The following MMP26 variants were observed in gnomAD, a reference collection of about 807,000 sequenced individuals.
The protein encoded by MMP26 is matrix metallopeptidase 26.
MMP26 carries 33 observed loss-of-function variants against 31.0 expected under a neutral mutation model. The observed-to-expected ratio is 1.06, with a 90% CI of 0.81 to 1.42. The LOEUF is 1.42. Ranked by LOEUF, MMP26 falls within the 40% of genes most tolerant of loss-of-function variation. The pLI is 0.00. For synonymous variants in MMP26, 122 were observed against 114.9 expected (o/e 1.06, Z -0.40); for missense variants, 347 against 316.1 (o/e 1.10, Z -0.74).
At chr11:4,786,216 A>G (rs2133438037) in intron 2 of MMP26, among the ~76,000 whole-genome samples, 1 of 152,242 alleles carries the variant, frequency 6.6e-6, no homozygotes, top group South Asian at 2.1e-4. Context: ...CTCAGGCAAA[A>G]GGAAAGCAGA....
In MMP26 at chr11:4,954,794, T is replaced by A. The variant is rs181896076; in HGVS notation, c.-144-33274T>A. On this transcript the variant is annotated intron_variant, in intron 2 of 7. Transcript: ENST00000380390. ...CTGTTAAATCTTCCATTGACACAAT[T>A]TTGCTACAACTCTCACTCTAATCTG... 46 of 1,056,790 alleles carry A rather than the reference T, an allele frequency of 4.4e-5. 12 individuals are homozygous for A. In the Middle Eastern group the frequency reaches 7.8e-4, roughly 18 times the overall value. 65.5% of individuals were successfully genotyped at this position (1,056,790 alleles called of 1,614,324 possible). A position where few individuals can be genotyped will look rare whatever the true frequency, so the allele number is the denominator to read the frequency against.
chr11:4,853,435 A>C (rs1850003086), intron 2 of MMP26, among the ~76,000 whole-genome samples: 1 of 152,234 alleles, frequency 6.6e-6, no homozygotes, highest in South Asian at 2.1e-4. Context: ...TACAGGTGAC[A>C]TAATTAAAGA....
chr11:4,715,914 C>G (rs1372317808), intron 1 of MMP26, among the ~76,000 whole-genome samples: 1 of 152,204 alleles, frequency 6.6e-6, no homozygotes, highest in East Asian at 1.9e-4. Flanking sequence ...GATTACTTGA[C>G]TTTGAGTTAA....
intron 1 of MMP26, among the ~76,000 whole-genome samples, chr11:4,738,693 G>A (rs543032741): frequency 6.6e-6 from 1 of 152,062 alleles, no homozygotes; most frequent in Non-Finnish European, 1.5e-5. Flanking sequence ...TTTTGTCCTG[G>A]GAATAAGTTA....
At chr11:4,908,699 G>C (rs2133567595) in intron 2 of MMP26, 1 of 263,252 alleles carries the variant, frequency 3.8e-6, no homozygotes. Flanking sequence ...TAGCTATGAA[G>C]GATGCTGATC....
chr11:4,740,091 C>T (rs142525495), intron 1 of MMP26, among the ~76,000 whole-genome samples: 8 of 150,730 alleles, frequency 5.3e-5, no homozygotes, highest in Non-Finnish European at 1.0e-4. Context: ...GCATATTTGA[C>T]GGAAGAGTAT....
intron 2 of MMP26, among the ~76,000 whole-genome samples, chr11:4,785,391 C>T (rs184694909): frequency 1.3e-5 from 2 of 152,110 alleles, no homozygotes; most frequent in Admixed American, 6.5e-5. Flanking sequence ...GTTAAAGTTC[C>T]TTGAACACAG....
chr11:4,803,621 G>A lies in MMP26; in HGVS notation c.-145+36280G>A, dbSNP rs760407807. 25 of 1,613,894 alleles carry A rather than the reference G, an allele frequency of 1.5e-5. No individual in the cohort carries two copies. The East Asian group carries it at 2.9e-4, about 19-fold the overall frequency. ...AAAGAAAAAAGGGCTGGGATATAAA[G>A]AGCCAAGATGACACAGATATGGGAG... On this transcript the variant is annotated intron_variant, in intron 2 of 7. Coordinates refer to ENST00000380390, the MANE Select transcript of MMP26 (RefSeq NM_021801.5).
intron 2 of MMP26, chr11:4,822,188 C>T (rs982395114): frequency 9.4e-6 from 15 of 1,604,144 alleles, no homozygotes; most frequent in Non-Finnish European, 1.2e-5. Flanking sequence ...TTCTACCTCC[C>T]TCTCATCAGT....
intron 2 of MMP26, among the ~76,000 whole-genome samples, chr11:4,940,889 A>G (rs1846196769): frequency 6.6e-6 from 1 of 152,148 alleles, no homozygotes; most frequent in East Asian, 1.9e-4. Flanking sequence ...AAGTTCCAAA[A>G]GAGATCAGAT....
At chr11:4,714,899 ATCTC>A (rs71466199) in intron 1 of MMP26, among the ~76,000 whole-genome samples, 23 of 132,584 alleles carry the variant, frequency 1.7e-4, no homozygotes, top group African/African-American at 5.0e-4. Flanking sequence ...AAAACCCCAA[ATCTC>A]TCTCTCTCTC....
chr11:4,822,249 C>A (rs756419697), intron 2 of MMP26: 1 of 1,571,600 alleles, frequency 6.4e-7, no homozygotes, highest in Admixed American at 1.8e-5. Context: ...TTGTCCACAT[C>A]ATCATGGCCA....
rs79518998 is a variant in MMP26, at chr11:4,804,586, G to A, written c.-145+37245G>A. The A allele has an allele frequency of 6.1e-3, 4,572 of 754,628 alleles. 153 individuals carry two copies. In the African/African-American group the frequency reaches 0.068, roughly 11 times the overall value. The allele number at this position is 754,628 out of a possible 1,614,324, so 46.7% of individuals were successfully genotyped here. On this transcript the variant is annotated intron_variant, in intron 2 of 7. Transcript: ENST00000380390. ...TGACATGATGTTACTGTTGTTTTTC[G>A]TACTTATGTCATTCAAAATGGGGTA... is the stretch of plus-strand genomic sequence containing the variant.
intron 1 of MMP26, among the ~76,000 whole-genome samples, chr11:4,739,033 G>A (rs542718350): frequency 6.6e-6 from 1 of 152,254 alleles, no homozygotes; most frequent in East Asian, 1.9e-4. Flanking sequence ...CTATAGCTGA[G>A]TTGATATATA....
At chr11:4,786,413 G>A (rs1374468918) in intron 2 of MMP26, among the ~76,000 whole-genome samples, 2 of 148,132 alleles carry the variant, frequency 1.4e-5, no homozygotes, top group African/African-American at 4.9e-5. Flanking sequence ...GAGTAGGATG[G>A]GATCTATCAG....
At chr11:4,754,680 T>C (rs1476845015) in intron 1 of MMP26, among the ~76,000 whole-genome samples, 1 of 152,048 alleles carries the variant, frequency 6.6e-6, no homozygotes, top group East Asian at 1.9e-4. Flanking sequence ...TAGCTGTAGA[T>C]GGAAATTAGT....
chr11:4,899,429 A>T (rs1850769671), intron 2 of MMP26, among the ~76,000 whole-genome samples: 1 of 152,194 alleles, frequency 6.6e-6, no homozygotes, highest in South Asian at 2.1e-4. Flanking sequence ...TCTATAATCC[A>T]TTCTAAATTC....
At chr11:4,854,972 C>T (rs1422591725) in intron 2 of MMP26, among the ~76,000 whole-genome samples, 1 of 152,166 alleles carries the variant, frequency 6.6e-6, no homozygotes, top group South Asian at 2.1e-4. Flanking sequence ...GGACCTCCAG[C>T]AAACTCCAAC....
chr11:4,769,103 C>T (rs200012987), intron 2 of MMP26: 7 of 1,598,612 alleles, frequency 4.4e-6, no homozygotes, highest in Non-Finnish European at 4.3e-6. Flanking sequence ...ATGGACTACT[C>T]TGGGGGCTGA....
Sources: allele counts gnomAD v4.1 joint callset (sites outside exome capture counted in the v4.1 genomes callset), GRCh38; gene constraint gnomAD v4.1.1; transcripts MANE v1.5; gene names NCBI Gene and HGNC (gene_info 2026-07-23, HGNC 2026-07-21).